Variants in PCDHGA5 observed in about 807,000 individuals in gnomAD.
PCDHGA5 encodes protocadherin gamma subfamily A, 5.
A neutral mutation model predicts 56.7 loss-of-function variants in PCDHGA5; 36 were observed. That is an observed-to-expected ratio of 0.64 (90% confidence interval 0.49 to 0.84). The LOEUF (loss-of-function observed/expected upper bound fraction) is 0.84. Among genes scored for constraint, PCDHGA5 ranks in the 40% least tolerant of loss-of-function variants. The pLI, the probability that PCDHGA5 is intolerant of heterozygous loss-of-function variation, is 0.00. For missense variants in PCDHGA5, 1,305 were observed against 1,201.5 expected, an observed-to-expected ratio of 1.09 and a Z score of -1.27; for synonymous variants, 563 against 520.2, an observed-to-expected ratio of 1.08 and a Z score of -1.12.
intron 1 of PCDHGA5, among the ~76,000 whole-genome samples, chr5:141,402,769 C>T (rs1404796973): frequency 6.6e-6 from 1 of 152,196 alleles, no homozygotes; most frequent in Non-Finnish European, 1.5e-5. Context: ...GGACTCCATC[C>T]GGATTTCCAG....
intron 1 of PCDHGA5, among the ~76,000 whole-genome samples, chr5:141,445,132 G>T (rs921068835): frequency 2.6e-5 from 4 of 152,026 alleles, no homozygotes; most frequent in Non-Finnish European, 5.9e-5. Flanking sequence ...TTTTAAAATT[G>T]TATCTTCTAA....
In PCDHGA5 at chr5:141,365,642, A is replaced by G. The variant is rs1764035406; in HGVS notation, c.1312A>G (p.Ile438Val). 1 of 1,613,554 alleles carries G rather than the reference A, an allele frequency of 6.2e-7. No homozygotes were observed. Among genetic ancestry groups the G allele is most frequent in the Non-Finnish European group, 8.5e-7 (1 of 1,179,832 alleles). The part of the protein sequence containing the change: ...GTPPLSTESH[I>V]PLKVADVNDN... ...CCCGCCCCTCTCTACAGAAAGCCAC[A>G]TCCCCTTGAAAGTAGCAGACGTTAA... Residue 438 changes from isoleucine to valine, a missense_variant, in exon 1 of 4, where the codon ATC (isoleucine) becomes GTC (valine). By Grantham distance (29) the Ile-to-Val change is conservative. Coordinates refer to ENST00000518069, the MANE Select transcript of PCDHGA5 (RefSeq NM_018918.3).
chr5:141,399,097 G>GT (rs1217179640), intron 1 of PCDHGA5: 2 of 1,613,816 alleles, frequency 1.2e-6, no homozygotes, highest in Admixed American at 3.3e-5. Flanking sequence ...TGGTGGACTG[G>GT]TTGCACAATG....
In PCDHGA5 at chr5:141,415,516, G is replaced by T. The variant is rs199990575; in HGVS notation, c.2421+48765G>T. The T allele has an allele frequency of 1.9e-6, 3 of 1,614,220 alleles. No individual in the cohort carries two copies. In the African/African-American group the frequency reaches 4.0e-5, roughly 22 times the overall value. ...GATCTTCCCCCAGCCCAATTATGCG[G>T]ACACGCTCATCAGCCAGGAGAGCTG... On this transcript the variant is annotated intron_variant, in intron 1 of 3. Coordinates refer to ENST00000518069, the MANE Select transcript of PCDHGA5 (RefSeq NM_018918.3).
At chr5:141,395,253 T>G (rs765397414) in intron 1 of PCDHGA5, 1 of 1,557,696 alleles carries the variant, frequency 6.4e-7, no homozygotes, top group Admixed American at 2.0e-5. Flanking sequence ...TTTAGTTCTT[T>G]GCTTGCTTTT....
chr5:141,371,347 G>A (rs755497433), intron 1 of PCDHGA5: 1 of 1,613,960 alleles, frequency 6.2e-7, no homozygotes, highest in Non-Finnish European at 8.5e-7. Flanking sequence ...TACACAATTG[G>A]GGTGGAAGCA....
chr5:141,376,609 C>A, intron 1 of PCDHGA5: 3 of 1,478,318 alleles, frequency 2.0e-6, no homozygotes, highest in Non-Finnish European at 2.8e-6. Flanking sequence ...AGAAGCGAAC[C>A]TCTTTTGGTA....
intron 1 of PCDHGA5, among the ~76,000 whole-genome samples, chr5:141,429,527 T>TA (rs1321273157): frequency 1.3e-5 from 2 of 152,038 alleles, no homozygotes; most frequent in African/African-American, 4.8e-5. Flanking sequence ...GAAAAAAGCT[T>TA]AAAAAAATAA....
At chr5:141,433,308 C>A in intron 1 of PCDHGA5, 2 of 915,352 alleles carry the variant, frequency 2.2e-6, no homozygotes, top group Non-Finnish European at 1.6e-6. Context: ...ATTATCCCAC[C>A]TTTGCCTCCG....
chr5:141,376,654 C>A, intron 1 of PCDHGA5: 1 of 932,252 alleles, frequency 1.1e-6, no homozygotes, highest in Non-Finnish European at 1.6e-6. Context: ...GTGGAAGACT[C>A]CCTTGTTCAG....
In PCDHGA5 at chr5:141,431,326, T is replaced by G. The variant is rs1486136293; in HGVS notation, c.2422-63481T>G. 6.2e-7 allele frequency: 1 copy of G among 1,614,046 alleles called. No individual in the cohort carries two copies. Among genetic ancestry groups the G allele is most frequent in the Non-Finnish European group, 8.5e-7 (1 of 1,180,018 alleles). On this transcript the variant is annotated intron_variant, in intron 1 of 3. Transcript: ENST00000518069. This position sits in a 1 kb window ranked among gnomAD's most constrained non-coding sequence, Gnocchi z 4.8. Reference sequence around the variant, plus strand: ...TCGTGCAAAATGGAGCCGACGGTAGTAAGTACCCCGAATTGGTGCTGAAAC... The same window carrying G: ...TCGTGCAAAATGGAGCCGACGGTAGGAAGTACCCCGAATTGGTGCTGAAAC...
intron 1 of PCDHGA5, chr5:141,389,633 C>T: frequency 1.2e-6 from 2 of 1,613,016 alleles, no homozygotes; most frequent in Non-Finnish European, 1.7e-6. Flanking sequence ...CAGAGCCTGG[C>T]TACTTGGTGA....
intron 1 of PCDHGA5, among the ~76,000 whole-genome samples, chr5:141,466,268 T>A (rs568525260): frequency 6.6e-6 from 1 of 152,150 alleles, no homozygotes; most frequent in Non-Finnish European, 1.5e-5. Context: ...CCTCGTGAGC[T>A]CAAGCAATCT....
chr5:141,393,573 A>G lies in PCDHGA5; in HGVS notation c.2421+26822A>G, dbSNP rs568065764. 1.2e-4 allele frequency: 190 copies of G among 1,613,964 alleles called. 1 individual carries two copies. In the South Asian group the frequency reaches 2.0e-3, roughly 17 times the overall value. ...GATTTACCGAGTGAAAGTCCTTGAGAACATGCCCCCAGGCACGCGGCTGCT... is the reference window on the plus strand; with the variant it reads ...GATTTACCGAGTGAAAGTCCTTGAGGACATGCCCCCAGGCACGCGGCTGCT... On this transcript the variant is annotated intron_variant, in intron 1 of 3. Coordinates refer to ENST00000518069, the MANE Select transcript of PCDHGA5 (RefSeq NM_018918.3).
Position 141,489,576 on chromosome 5 carries a change from C to G in PCDHGA5, c.2422-5231C>G. 6.2e-7 allele frequency: 1 copy of G among 1,614,054 alleles called. No individual in the cohort carries two copies. Among genetic ancestry groups the G allele is most frequent in the Non-Finnish European group, 8.5e-7 (1 of 1,179,976 alleles). On this transcript the variant is annotated intron_variant, in intron 1 of 3. Coordinates refer to ENST00000518069, the MANE Select transcript of PCDHGA5 (RefSeq NM_018918.3). This position sits in a 1 kb window ranked among gnomAD's most constrained non-coding sequence, Gnocchi z 4.5. ...TGCCAGTGCAGGTGGTGACTGAACA[C>G]CCCCTGGAGCTAATCCGTGTAGAGG...
chr5:141,432,511 C>T lies in PCDHGA5; in HGVS notation c.2422-62296C>T. ...AGCTGGCTCCCCGCTCCGCAGAGCC[C>T]GGCTACCTGGTGACCAAGGTGGTGG... is the stretch of plus-strand genomic sequence containing the variant. On this transcript the variant is annotated intron_variant, in intron 1 of 3. Coordinates refer to ENST00000518069, the MANE Select transcript of PCDHGA5 (RefSeq NM_018918.3). This position sits in a 1 kb window ranked among gnomAD's most constrained non-coding sequence, Gnocchi z 6.0. 1 of 1,614,118 alleles carries T rather than the reference C, an allele frequency of 6.2e-7. No homozygotes were observed. The highest frequency in any genetic ancestry group is 8.5e-7 in the Non-Finnish European group (1 of 1,180,042).
intron 1 of PCDHGA5, chr5:141,389,301 A>T: frequency 6.2e-7 from 1 of 1,614,008 alleles, no homozygotes; most frequent in Non-Finnish European, 8.5e-7. Context: ...TTCACAAGTC[A>T]GGGCTTCTGA....
At chr5:141,468,739 G>A (rs1167211344) in intron 1 of PCDHGA5, among the ~76,000 whole-genome samples, 5 of 152,000 alleles carry the variant, frequency 3.3e-5, no homozygotes, top group African/African-American at 1.2e-4. Context: ...GGTGGCGGGT[G>A]CCTGTAGTCC....
intron 1 of PCDHGA5, among the ~76,000 whole-genome samples, chr5:141,368,183 A>C (rs1765520676): frequency 6.6e-6 from 1 of 152,202 alleles, no homozygotes; most frequent in South Asian, 2.1e-4. Flanking sequence ...TAATGACTAA[A>C]TAAGGGGAAA....
Sources: allele counts gnomAD v4.1 joint callset (sites outside exome capture counted in the v4.1 genomes callset), GRCh38; gene constraint gnomAD v4.1.1; non-coding constraint Gnocchi (gnomAD v3.1); transcripts MANE v1.5; gene names NCBI Gene and HGNC (gene_info 2026-07-23, HGNC 2026-07-21).